Variants in CLYBL observed in about 807,000 individuals in gnomAD.
CLYBL encodes citramalyl-CoA lyase, mitochondrial.
Under a neutral mutation model 38.9 loss-of-function variants are expected in CLYBL, and 31 were observed. The observed-to-expected ratio is 0.80, with a 90% CI of 0.60 to 1.08. The LOEUF (loss-of-function observed/expected upper bound fraction) is 1.08, where lower values mean the gene tolerates loss of function less well. CLYBL is among the 50% of genes least tolerant of loss of function. The pLI, the probability that CLYBL is intolerant of heterozygous loss-of-function variation, is 0.00. For synonymous variants in CLYBL, 171 were observed against 158.6 expected, an observed-to-expected ratio of 1.08 and a Z score of -0.59; for missense variants, 434 against 411.6, an observed-to-expected ratio of 1.05 and a Z score of -0.47.
intron 1 of CLYBL, among the ~76,000 whole-genome samples, chr13:99,619,002 A>G (rs2046755089): frequency 6.6e-6 from 1 of 152,204 alleles, no homozygotes; most frequent in Non-Finnish European, 1.5e-5. Context: ...TTGTTAGTGC[A>G]TGTTCTATGT....
chr13:99,798,889 G>A (rs899474876), intron 2 of CLYBL, among the ~76,000 whole-genome samples: 1 of 152,124 alleles, frequency 6.6e-6, no homozygotes, highest in African/African-American at 2.4e-5. Flanking sequence ...TTAACAAGTG[G>A]GATTTTTAAA....
intron 1 of CLYBL, among the ~76,000 whole-genome samples, chr13:99,760,231 GT>G (rs1192188231): frequency 6.6e-6 from 1 of 152,054 alleles, no homozygotes; most frequent in Non-Finnish European, 1.5e-5. Context: ...CTAGCTAAAA[GT>G]TTGTCAGTTT....
intron 1 of CLYBL, among the ~76,000 whole-genome samples, chr13:99,685,698 A>G (rs1484976602): frequency 2.0e-5 from 3 of 152,204 alleles, no homozygotes; most frequent in African/African-American, 7.2e-5. Flanking sequence ...ACGGTGGCTC[A>G]AGCCTGTAAT....
At chr13:99,678,250 T>G (rs1594115409) in intron 1 of CLYBL, among the ~76,000 whole-genome samples, 1 of 152,230 alleles carries the variant, frequency 6.6e-6, no homozygotes, top group African/African-American at 2.4e-5. Context: ...GCGGCAGAGT[T>G]GTGTTACAGG....
At position 99,814,527 on chromosome 13, in the gene CLYBL, G is replaced by A. The variant is rs116464558; in HGVS notation, c.249+41517G>A. On this transcript the variant is annotated intron_variant, in intron 2 of 8. Transcript: ENST00000339105. Reference sequence around the variant, plus strand: ...CGCTTGAGCCCAGGAGTTTGAGACCGGCCTGGGCAACATGGTGAGAGAGAT... The same window carrying A: ...CGCTTGAGCCCAGGAGTTTGAGACCAGCCTGGGCAACATGGTGAGAGAGAT... 3.1e-3 allele frequency among the ~76,000 whole-genome samples: 470 copies of A among 152,226 alleles called. 2 individuals carry two copies. The highest frequency in any genetic ancestry group is 0.011 in the African/African-American group (437 of 41,546).
intron 2 of CLYBL, among the ~76,000 whole-genome samples, chr13:99,846,163 G>C (rs984387738): frequency 6.6e-6 from 1 of 151,058 alleles, no homozygotes; most frequent in South Asian, 2.1e-4. Flanking sequence ...AAATACATAA[G>C]TAAAATAAAT....
chr13:99,805,547 C>T lies in CLYBL; in HGVS notation c.249+32537C>T, dbSNP rs560829947. Among the ~76,000 whole-genome samples the T allele has an allele frequency of 5.0e-3, 754 of 151,774 alleles. 13 individuals are homozygous for T. The highest frequency in any genetic ancestry group is 4.8e-3 in the Non-Finnish European group (329 of 67,936). Reference sequence around the variant, plus strand: ...ATCCCAGTGTGCCCGGTTGCTCCCACGCCCTCAGGATACTAAAGCTGGGAG... The same window carrying T: ...ATCCCAGTGTGCCCGGTTGCTCCCATGCCCTCAGGATACTAAAGCTGGGAG... On this transcript the variant is annotated intron_variant, in intron 2 of 8. Coordinates refer to ENST00000339105, the MANE Select transcript of CLYBL (RefSeq NM_206808.5).
intron 2 of CLYBL, among the ~76,000 whole-genome samples, chr13:99,843,291 T>G (rs1387587931): frequency 6.6e-6 from 1 of 152,190 alleles, no homozygotes; most frequent in Non-Finnish European, 1.5e-5. Flanking sequence ...GCAGCTAGGT[T>G]TATCATCTTT....
intron 2 of CLYBL, among the ~76,000 whole-genome samples, chr13:99,786,201 T>C (rs984641293): frequency 1.4e-3 from 122 of 88,554 alleles, no homozygotes; most frequent in South Asian, 9.1e-3. Context: ...TTAGCTTTCC[T>C]TTTTTTTTTT....
At chr13:99,708,746 A>G (rs555573440) in intron 1 of CLYBL, among the ~76,000 whole-genome samples, 8 of 152,160 alleles carry the variant, frequency 5.3e-5, no homozygotes, top group Non-Finnish European at 1.0e-4. Context: ...AACCACAGGT[A>G]CTCAGAATGT....
chr13:99,842,262 C>G (rs1215400642), intron 2 of CLYBL, among the ~76,000 whole-genome samples: 1 of 152,140 alleles, frequency 6.6e-6, no homozygotes, highest in Non-Finnish European at 1.5e-5. Flanking sequence ...CTTGGCATCT[C>G]TGTGTCTTCA....
intron 2 of CLYBL, among the ~76,000 whole-genome samples, chr13:99,773,773 T>C (rs2049452296): frequency 6.6e-6 from 1 of 152,194 alleles, no homozygotes. Context: ...TGGTCTTTTC[T>C]CTTCTGGGAT....
chr13:99,731,220 T>C (rs1042368037), intron 1 of CLYBL, among the ~76,000 whole-genome samples: 1 of 151,580 alleles, frequency 6.6e-6, no homozygotes, highest in African/African-American at 2.4e-5. Flanking sequence ...ACAGAAAAGT[T>C]GTATGGTCAA....
intron 1 of CLYBL, among the ~76,000 whole-genome samples, chr13:99,743,937 A>G (rs967551664): frequency 2.4e-5 from 3 of 125,188 alleles, no homozygotes; most frequent in African/African-American, 9.1e-5. Context: ...TTGCTTCTAC[A>G]CTCCACTTTC....
At chr13:99,703,290 A>T (rs1047065512) in intron 1 of CLYBL, among the ~76,000 whole-genome samples, 2 of 152,180 alleles carry the variant, frequency 1.3e-5, no homozygotes, top group Admixed American at 6.5e-5. Context: ...ATAGCTTCTT[A>T]GTATGATATC....
intron 2 of CLYBL, among the ~76,000 whole-genome samples, chr13:99,797,137 C>A (rs2050037447): frequency 6.6e-6 from 1 of 152,006 alleles, no homozygotes; most frequent in African/African-American, 2.4e-5. Flanking sequence ...TTGTCATGCC[C>A]CACTTTGGGA....
chr13:99,713,773 T>G (rs576273468), intron 1 of CLYBL, among the ~76,000 whole-genome samples: 1 of 152,042 alleles, frequency 6.6e-6, no homozygotes, highest in East Asian at 1.9e-4. Context: ...AGCCTCAACC[T>G]CCTGGGCTCA....
At chr13:99,734,005 G>A (rs1051052416) in intron 1 of CLYBL, among the ~76,000 whole-genome samples, 10 of 152,230 alleles carry the variant, frequency 6.6e-5, no homozygotes, top group African/African-American at 2.4e-4. Context: ...AACTGAATGA[G>A]GCAGAGGTTA....
intron 2 of CLYBL, among the ~76,000 whole-genome samples, chr13:99,827,326 G>A (rs2050714067): frequency 6.6e-6 from 1 of 152,162 alleles, no homozygotes; most frequent in South Asian, 2.1e-4. Flanking sequence ...GCCCCTGAGG[G>A]GTGGGGAAAG....
Sources: gnomAD v4.1 joint callset for allele counts (sites outside exome capture counted in the v4.1 genomes callset) on GRCh38, gnomAD v4.1.1 for gene constraint, MANE v1.5 for transcripts, NCBI Gene and HGNC (gene_info 2026-07-23, HGNC 2026-07-21) for gene names.